The following ENOX1 variants were observed in gnomAD, a reference collection of about 807,000 sequenced individuals.
ENOX1 encodes the protein candidate growth-related and time keeping constitutive hydroquinone (NADH) oxidase.
Under a neutral mutation model 82.5 loss-of-function variants are expected in ENOX1, and 42 were observed. The observed-to-expected ratio is 0.51, with a 90% CI of 0.40 to 0.66. The LOEUF is 0.66. Ranked by LOEUF, ENOX1 falls within the 30% of genes least tolerant of loss-of-function variation. The probability of loss-of-function intolerance (pLI) is 0.00; values close to 1 mark genes in which losing one functional copy is unlikely to be tolerated. For synonymous variants in ENOX1, 271 were observed against 282.2 expected, an observed-to-expected ratio of 0.96 and a Z score of 0.40; for missense variants, 608 against 811.6, an observed-to-expected ratio of 0.75 and a Z score of 3.05.
At chr13:43,574,824 G>A (rs1454519551) in intron 2 of ENOX1, among the ~76,000 whole-genome samples, 2 of 152,136 alleles carry the variant, frequency 1.3e-5, no homozygotes, top group African/African-American at 4.8e-5. Context: ...TATTTTCAAG[G>A]ATTCACAGCG....
At chr13:43,306,900 A>G (rs1436687995) in intron 11 of ENOX1, among the ~76,000 whole-genome samples, 1 of 152,210 alleles carries the variant, frequency 6.6e-6, no homozygotes, top group Non-Finnish European at 1.5e-5. Context: ...CATCCACACT[A>G]TGAAATGTGA....
At chr13:43,470,511 T>C (rs888302518) in intron 3 of ENOX1, among the ~76,000 whole-genome samples, 7 of 148,920 alleles carry the variant, frequency 4.7e-5, no homozygotes, top group Admixed American at 3.4e-4. Flanking sequence ...AAATTTAAAC[T>C]TCTGCTCATC....
chr13:43,370,372 A>G (rs930839429), intron 5 of ENOX1, among the ~76,000 whole-genome samples: 11 of 152,126 alleles, frequency 7.2e-5, no homozygotes, highest in African/African-American at 2.7e-4. Context: ...ATCTCAAGAA[A>G]AAAAAAAAAT....
intron 1 of ENOX1, among the ~76,000 whole-genome samples, chr13:43,772,828 G>T (rs1369616970): frequency 1.3e-5 from 2 of 148,870 alleles, no homozygotes; most frequent in Non-Finnish European, 3.0e-5. Context: ...GTTCCAACAA[G>T]AATCCTTTAT....
intron 2 of ENOX1, among the ~76,000 whole-genome samples, chr13:43,569,666 T>TAAAA (rs34098825): frequency 0.03 from 4,524 of 149,918 alleles, 72 homozygotes; most frequent in Middle Eastern, 0.048. Context: ...CTTAGTGGTT[T>TAAAA]AAAAAAAAAA....
At chr13:43,547,603 G>A (rs991425499) in intron 2 of ENOX1, 1 of 152,166 alleles carries the variant, frequency 6.6e-6, no homozygotes, top group African/African-American at 2.4e-5. Flanking sequence ...TTGTTTTATT[G>A]TTGTAGGTCT....
At chr13:43,584,444 G>A (rs1041292816) in intron 2 of ENOX1, among the ~76,000 whole-genome samples, 1 of 152,280 alleles carries the variant, frequency 6.6e-6, no homozygotes, top group South Asian at 2.1e-4. Context: ...TGTTATGCGT[G>A]GCAGGGTGAA....
intron 1 of ENOX1, among the ~76,000 whole-genome samples, chr13:43,702,493 G>A (rs1369766652): frequency 6.6e-6 from 1 of 152,188 alleles, no homozygotes; most frequent in Non-Finnish European, 1.5e-5. Flanking sequence ...GAAGAACGGG[G>A]CATGCTGAAT....
intron 2 of ENOX1, among the ~76,000 whole-genome samples, chr13:43,536,444 T>C (rs2078463900): frequency 6.6e-6 from 1 of 152,204 alleles, no homozygotes; most frequent in Non-Finnish European, 1.5e-5. Context: ...TTATTGCTGA[T>C]TTACTTGCAT....
intron 2 of ENOX1, among the ~76,000 whole-genome samples, chr13:43,625,820 G>T (rs1292735532): frequency 6.6e-6 from 1 of 151,574 alleles, no homozygotes; most frequent in East Asian, 1.9e-4. Context: ...TACTGTTTTT[G>T]TCTGGTTCTA....
intron 12 of ENOX1, among the ~76,000 whole-genome samples, chr13:43,295,481 A>C (rs1379016340): frequency 2.0e-5 from 3 of 152,236 alleles, no homozygotes; most frequent in Admixed American, 6.5e-5. Context: ...ATGTCAGTGA[A>C]CATATCCTTA....
intron 1 of ENOX1, among the ~76,000 whole-genome samples, chr13:43,769,480 A>G (rs1951466801): frequency 6.6e-6 from 1 of 152,230 alleles, no homozygotes; most frequent in Non-Finnish European, 1.5e-5. Flanking sequence ...TTGAGAGCAG[A>G]GAGTAAGTGC....
chr13:43,724,746 C>T (rs973229599), intron 1 of ENOX1, among the ~76,000 whole-genome samples: 3 of 152,158 alleles, frequency 2.0e-5, no homozygotes, highest in Non-Finnish European at 4.4e-5. Flanking sequence ...ATCTAATTCA[C>T]CCTTTCTCAA....
intron 2 of ENOX1, among the ~76,000 whole-genome samples, chr13:43,513,239 G>A (rs1481979040): frequency 6.6e-6 from 1 of 152,110 alleles, no homozygotes; most frequent in Admixed American, 6.6e-5. Context: ...AACCCATGGG[G>A]CAGAGGTTGT....
At chr13:43,370,357 A>G (rs1018425900) in intron 5 of ENOX1, among the ~76,000 whole-genome samples, 3 of 150,822 alleles carry the variant, frequency 2.0e-5, no homozygotes, top group African/African-American at 7.3e-5. Context: ...ACACAGCGAG[A>G]CTCCATCTCA....
At chr13:43,385,632 A>C (rs2052361179) in intron 5 of ENOX1, among the ~76,000 whole-genome samples, 1 of 152,218 alleles carries the variant, frequency 6.6e-6, no homozygotes, top group African/African-American at 2.4e-5. Flanking sequence ...GTATTTATTT[A>C]CATGAGAAAA....
At chr13:43,383,907 G>A (rs971561204) in intron 5 of ENOX1, among the ~76,000 whole-genome samples, 10 of 152,294 alleles carry the variant, frequency 6.6e-5, no homozygotes, top group Admixed American at 3.9e-4. Context: ...CTTCCAGCAG[G>A]TGTTTTCACA....
At chr13:43,644,392 T>C (rs1356123922) in intron 2 of ENOX1, among the ~76,000 whole-genome samples, 1 of 152,234 alleles carries the variant, frequency 6.6e-6, no homozygotes, top group Non-Finnish European at 1.5e-5. Flanking sequence ...GATTCTTGAC[T>C]TTCCCATTAG....
intron 13 of ENOX1, 59 bp from the exon 14 acceptor site, chr13:43,265,513 T>G: frequency 6.4e-5 from 89 of 1,392,070 alleles, no homozygotes; most frequent in African/African-American, 9.9e-5. Context: ...AGCAAATCTC[T>G]TAAGTATATC....
Sources: gnomAD v4.1 joint callset for allele counts (sites outside exome capture counted in the v4.1 genomes callset) on GRCh38, gnomAD v4.1.1 for gene constraint, MANE v1.5 for transcripts, NCBI Gene and HGNC (gene_info 2026-07-23, HGNC 2026-07-21) for gene names.